The following RFX8 variants were observed in gnomAD, a reference collection of about 807,000 sequenced individuals.
The protein encoded by RFX8 is regulatory factor X8.
RFX8 carries 46 observed loss-of-function variants against 54.6 expected under a neutral mutation model. The ratio of observed to expected loss-of-function variants is 0.84; its 90% confidence interval spans 0.67 to 1.08. RFX8 has a LOEUF of 1.08. RFX8 is among the 50% of genes least tolerant of loss of function. RFX8 has a pLI of 0.00. For missense variants in RFX8, 536 were observed against 562.3 expected, an observed-to-expected ratio of 0.95 and a Z score of 0.47; for synonymous variants, 192 against 209.5, an observed-to-expected ratio of 0.92 and a Z score of 0.72.
chr2:101,452,362 TA>T, intron 2 of RFX8: 2 of 1,368,666 alleles, frequency 1.5e-6, no homozygotes, highest in Non-Finnish European at 1.9e-6. Flanking sequence ...ACATTTGAAA[TA>T]AAACAAAAAT....
chr2:101,469,032 GTATATATA>G (rs1214739754), intron 1 of RFX8, among the ~76,000 whole-genome samples: 3 of 22,522 alleles, frequency 1.3e-4, no homozygotes, highest in Non-Finnish European at 2.1e-4. Context: ...ATATATATAC[GTATATATA>G]TGTATATATA....
chr2:101,407,565 G>T (rs972212270), intron 9 of RFX8, among the ~76,000 whole-genome samples: 5 of 152,254 alleles, frequency 3.3e-5, no homozygotes, highest in South Asian at 2.1e-4. Flanking sequence ...GGTGGCACAC[G>T]CCTGTAATCC....
chr2:101,397,573 A>C lies in RFX8; in HGVS notation c.1397T>G (p.Phe466Cys), dbSNP rs1685196566. The change falls in exon 12 of 12, where the codon TTC becomes TGC. Residue 466 changes from phenylalanine (F) to cysteine (C), a missense_variant. Coordinates refer to ENST00000428343, the MANE Select transcript of RFX8 (RefSeq NM_001145664.2). ...DVPQSSEDIYFRENNANV is the reference protein window; with the variant it reads ...DVPQSSEDIYCRENNANV ...TCACACATTAGCATTGTTTTCTCTG[A>C]AATAAATATCTTCAGAGCTTTGGGG... The C allele has an allele frequency of 6.5e-7, 1 of 1,547,394 alleles. No homozygotes were observed. Among genetic ancestry groups the C allele is most frequent in the Non-Finnish European group, 8.7e-7 (1 of 1,145,130 alleles).
intron 6 of RFX8, 116 bp from the exon 7 acceptor site, chr2:101,415,028 T>A: frequency 1.4e-6 from 1 of 691,574 alleles, no homozygotes; most frequent in Non-Finnish European, 2.5e-6. Context: ...AAACTGCAAC[T>A]TCCCCCACCC....
intron 1 of RFX8, among the ~76,000 whole-genome samples, chr2:101,468,647 A>G (rs1689715532): frequency 6.6e-6 from 1 of 151,924 alleles, no homozygotes; most frequent in Admixed American, 6.6e-5. Context: ...AGCCCATCCT[A>G]ATTCAGGATG....
intron 2 of RFX8, among the ~76,000 whole-genome samples, chr2:101,456,573 T>C (rs1461995489): frequency 3.3e-5 from 5 of 152,216 alleles, no homozygotes; most frequent in African/African-American, 1.2e-4. Flanking sequence ...GACTTGATCA[T>C]AGTGGATAAG....
chr2:101,448,083 G>C (rs994471512), intron 2 of RFX8, among the ~76,000 whole-genome samples: 2 of 152,176 alleles, frequency 1.3e-5, no homozygotes, highest in African/African-American at 4.8e-5. Flanking sequence ...GAGGGTGGAG[G>C]CTTCATGGCC....
intron 2 of RFX8, among the ~76,000 whole-genome samples, chr2:101,461,853 A>T (rs1689300339): frequency 6.6e-6 from 1 of 152,224 alleles, no homozygotes; most frequent in Non-Finnish European, 1.5e-5. Flanking sequence ...AAGCGCACGC[A>T]AAAGTCCTCA....
chr2:101,424,062 C>T (rs563976876), intron 2 of RFX8, among the ~76,000 whole-genome samples: 3 of 152,206 alleles, frequency 2.0e-5, no homozygotes, highest in African/African-American at 7.2e-5. Flanking sequence ...AAACTTCCCC[C>T]GTTAATACTG....
At chr2:101,428,243 T>C (rs910417410) in intron 2 of RFX8, among the ~76,000 whole-genome samples, 2 of 152,086 alleles carry the variant, frequency 1.3e-5, no homozygotes, top group Non-Finnish European at 1.5e-5. Flanking sequence ...CGAGATTCCA[T>C]CTCAAAACAA....
At chr2:101,437,474 A>T (rs1473046411) in intron 2 of RFX8, among the ~76,000 whole-genome samples, 1 of 152,104 alleles carries the variant, frequency 6.6e-6, no homozygotes, top group Non-Finnish European at 1.5e-5. Context: ...GCTACTCAGG[A>T]GGCTGAGGCG....
intron 2 of RFX8, among the ~76,000 whole-genome samples, chr2:101,457,562 G>C (rs1363204520): frequency 1.3e-5 from 2 of 152,144 alleles, no homozygotes; most frequent in African/African-American, 4.8e-5. Context: ...ATTGCACTGT[G>C]GTCTGAGAGA....
Position 101,474,759 on chromosome 2 carries a change from G to GCCCCA in RFX8, c.-181_-177dup, listed in dbSNP as rs1690222653. On this transcript the variant is annotated 5_prime_UTR_variant, in exon 1 of 12. An upstream open reading frame in the 5' UTR gains an earlier in-frame stop. Coordinates refer to ENST00000428343, the MANE Select transcript of RFX8 (RefSeq NM_001145664.2). Reference sequence around the variant, plus strand: ...GGCTGCCGCTCCCCATCCCAGCCCCGCCCCACCCCACCCCAAGAGGTTCTG... The same window carrying GCCCCA: ...GGCTGCCGCTCCCCATCCCAGCCCCGCCCCACCCCACCCCACCCCAAGAGGTTCTG... 2.1e-5 allele frequency: 2 copies of GCCCCA among 94,518 alleles called. No individual in the cohort carries two copies. The highest frequency in any genetic ancestry group is 4.4e-5 in the Non-Finnish European group (2 of 45,362). 5.9% of individuals were successfully genotyped at this position (94,518 alleles called of 1,614,324 possible).
chr2:101,467,014 C>T, intron 1 of RFX8, 114 bp from the exon 2 acceptor site: 1 of 636,314 alleles, frequency 1.6e-6, no homozygotes, highest in South Asian at 1.8e-5. Context: ...TGAAACATGT[C>T]TAATTTATTG....
At chr2:101,423,520 T>C (rs1345491455) in intron 2 of RFX8, among the ~76,000 whole-genome samples, 1 of 152,212 alleles carries the variant, frequency 6.6e-6, no homozygotes, top group African/African-American at 2.4e-5. Context: ...TTCCTCCAAG[T>C]TGAAAATTGA....
Position 101,474,995 on chromosome 2 carries a change from G to C in RFX8, c.-412C>G, listed in dbSNP as rs1284416138. 6.6e-6 allele frequency among the ~76,000 whole-genome samples: 1 copy of C among 152,192 alleles called. No individual in the cohort carries two copies. Among genetic ancestry groups the C allele is most frequent in the Non-Finnish European group, 1.5e-5 (1 of 68,042 alleles). ...TCCAGGTGAGCAGTGCCACCTCAACGTGAGTCCCCATATCTGTAGCCAGGT... is the reference window on the plus strand; with the variant it reads ...TCCAGGTGAGCAGTGCCACCTCAACCTGAGTCCCCATATCTGTAGCCAGGT... On this transcript the variant is annotated 5_prime_UTR_variant, in exon 1 of 12. Coordinates refer to ENST00000428343, the MANE Select transcript of RFX8 (RefSeq NM_001145664.2).
chr2:101,402,080 C>T (rs555054393), intron 11 of RFX8, among the ~76,000 whole-genome samples: 3 of 152,334 alleles, frequency 2.0e-5, no homozygotes, highest in South Asian at 2.1e-4. Flanking sequence ...TCGACGTTTC[C>T]GTCTTTGAAC....
In RFX8 at chr2:101,427,039, G is replaced by A. The variant is rs117110808; in HGVS notation, c.73-4567C>T. On this transcript the variant is annotated intron_variant, in intron 2 of 11. Transcript: ENST00000428343. ...GTGTGCTGCTCCCCAGCATATGCAC[G>A]CTGGGTTCCACACACGTTTGTCATC... is the stretch of plus-strand genomic sequence containing the variant. 3.0e-4 allele frequency among the ~76,000 whole-genome samples: 46 copies of A among 152,242 alleles called. No individual in the cohort carries two copies. The East Asian group carries it at 7.7e-3, about 26-fold the overall frequency.
chr2:101,399,573 C>T (rs1337903141), intron 11 of RFX8, among the ~76,000 whole-genome samples: 1 of 152,164 alleles, frequency 6.6e-6, no homozygotes, highest in Non-Finnish European at 1.5e-5. Flanking sequence ...ATTGGGCCAA[C>T]AGTGTTAAGA....
Sources: gnomAD v4.1 joint callset for allele counts (sites outside exome capture counted in the v4.1 genomes callset) on GRCh38, gnomAD v4.1.1 for gene constraint, MANE v1.5 for transcripts, NCBI Gene and HGNC (gene_info 2026-07-23, HGNC 2026-07-21) for gene names.